TLN2: variants seen among roughly 807,000 people sequenced by gnomAD.
TLN2 encodes the protein talin 2.
Under a neutral mutation model 294.7 loss-of-function variants are expected in TLN2, and 118 were observed. That is an observed-to-expected ratio of 0.40 (90% confidence interval 0.34 to 0.47). The LOEUF (loss-of-function observed/expected upper bound fraction) is 0.47. TLN2 is among the 20% of genes least tolerant of loss of function. The pLI is 0.84. For missense variants in TLN2, 3,083 were observed against 3,282.2 expected (o/e 0.94, Z 1.48); for synonymous variants, 1,431 against 1,304.5 (o/e 1.10, Z -2.09).
chr15:62,798,838 G>A (rs1338024907), intron 48 of TLN2, among the ~76,000 whole-genome samples: 1 of 152,164 alleles, frequency 6.6e-6, no homozygotes, highest in African/African-American at 2.4e-5. Context: ...CATCCTTTCT[G>A]TTGGATTTCT....
intron 12 of TLN2, among the ~76,000 whole-genome samples, chr15:62,688,540 C>T (rs529856084): frequency 1.3e-5 from 2 of 152,070 alleles, no homozygotes; most frequent in African/African-American, 2.4e-5. Context: ...TGGTGGTGTT[C>T]CAGTCTTTTG....
In TLN2 at chr15:62,707,126, C is replaced by T; in HGVS notation, c.2045C>T (p.Ala682Val). The T allele has an allele frequency of 6.2e-7, 1 of 1,614,092 alleles. No individual in the cohort carries two copies. The highest frequency in any genetic ancestry group is 8.5e-7 in the Non-Finnish European group (1 of 1,179,974). The change falls in exon 20 of 59, where the codon GCT becomes GTT. Residue 682 changes from alanine (A) to valine (V), a missense_variant. Ala to Val is a moderately conservative substitution (Grantham distance 64, BLOSUM62 0). Transcript: ENST00000636159. ...TTGGCCAAAGCTGTTGCCAATGCAGCTGCCATGTTGGTACTAAAGGCAAAG... is the reference window on the plus strand; with the variant it reads ...TTGGCCAAAGCTGTTGCCAATGCAGTTGCCATGTTGGTACTAAAGGCAAAG... ...MSLAKAVANA[A>V]AMLVLKAKNV...
chr15:62,554,539 T>C (rs912669618), intron 1 of TLN2, among the ~76,000 whole-genome samples: 3 of 151,786 alleles, frequency 2.0e-5, no homozygotes, highest in African/African-American at 7.3e-5. Context: ...TTGAAATAAG[T>C]CAGATAAATC....
At chr15:62,720,344 G>A (rs932816413) in intron 25 of TLN2, among the ~76,000 whole-genome samples, 10 of 152,060 alleles carry the variant, frequency 6.6e-5, no homozygotes, top group Non-Finnish European at 5.9e-5. Flanking sequence ...TGGGGTGAAG[G>A]GTAGATTCAT....
At chr15:62,416,967 C>G (rs1346596950) in intron 1 of TLN2, among the ~76,000 whole-genome samples, 1 of 152,218 alleles carries the variant, frequency 6.6e-6, no homozygotes, top group Admixed American at 6.5e-5. Flanking sequence ...TCTCCGCTTC[C>G]TATCTCCAGA....
In TLN2 at chr15:62,538,246, C is replaced by T. The variant is rs997068752; in HGVS notation, c.-237-51441C>T. On this transcript the variant is annotated intron_variant, in intron 1 of 58. Coordinates refer to ENST00000636159, the MANE Select transcript of TLN2 (RefSeq NM_015059.3). ...ATACACACACACACACACACAAAAA[C>T]ACCAGCCTTTTCTTTGTTTTTACCA... 3.3e-5 allele frequency among the ~76,000 whole-genome samples: 5 copies of T among 151,862 alleles called. No homozygotes were observed. In the South Asian group the frequency reaches 8.3e-4, roughly 25 times the overall value.
intron 13 of TLN2, 65 bp downstream of exon 13, chr15:62,693,006 C>G (rs919075979): frequency 7.2e-7 from 1 of 1,390,278 alleles, no homozygotes; most frequent in Admixed American, 1.9e-5. Context: ...GTTTCGATGA[C>G]GTGGCTACCT....
intron 1 of TLN2, among the ~76,000 whole-genome samples, chr15:62,582,837 GGTAGA>G (rs2045259323): frequency 6.6e-6 from 1 of 152,132 alleles, no homozygotes; most frequent in African/African-American, 2.4e-5. Context: ...AGGCTGCCAC[GGTAGA>G]TCAGAGTGTA....
chr15:62,580,407 C>T (rs1252750502), intron 1 of TLN2, among the ~76,000 whole-genome samples: 2 of 118,542 alleles, frequency 1.7e-5, no homozygotes, highest in Non-Finnish European at 3.7e-5. Flanking sequence ...TCTCTACCTC[C>T]CTCCCTCCCT....
At chr15:62,528,708 C>T (rs970599174) in intron 1 of TLN2, among the ~76,000 whole-genome samples, 1 of 108,894 alleles carries the variant, frequency 9.2e-6, no homozygotes, top group Non-Finnish European at 1.7e-5. Flanking sequence ...CTCAGGCAAA[C>T]AAGTCGGGTC....
At chr15:62,424,485 C>T (rs919345061) in intron 1 of TLN2, among the ~76,000 whole-genome samples, 4 of 152,112 alleles carry the variant, frequency 2.6e-5, no homozygotes, top group African/African-American at 2.4e-5. Flanking sequence ...TCTGTGTACA[C>T]GCACCTCCAC....
chr15:62,836,022 G>A lies in TLN2; in HGVS notation c.7323G>A (p.Val2441=), dbSNP rs375613787. The part of the protein sequence containing the change: ...QVAASTAQLL[V]ACKVKADQDS... ...CCGCTTCCACGGCTCAGCTGCTGGTGGCCTGCAAGGTGAAGGCCGACCAGG... is the reference window on the plus strand; with the variant it reads ...CCGCTTCCACGGCTCAGCTGCTGGTAGCCTGCAAGGTGAAGGCCGACCAGG... Residue 2441 remains valine, a synonymous_variant, in exon 57 of 59, where the codon GTG becomes GTA. Transcript: ENST00000636159. 5 of 1,612,970 alleles carry A rather than the reference G, an allele frequency of 3.1e-6. No homozygotes were observed. The African/African-American group carries it at 4.0e-5, about 13-fold the overall frequency.
chr15:62,667,209 G>A (rs189045435), intron 9 of TLN2, among the ~76,000 whole-genome samples: 5,749 of 152,086 alleles, frequency 0.038, 127 homozygotes, highest in South Asian at 0.052. Context: ...CTAGTGATCC[G>A]CCCGCCTTGG....
intron 43 of TLN2, among the ~76,000 whole-genome samples, chr15:62,780,548 G>T (rs1348377725): frequency 6.6e-6 from 1 of 152,190 alleles, no homozygotes. Context: ...CATTGTCTCA[G>T]TTCTTCCACC....
At chr15:62,582,191 T>TGC in intron 1 of TLN2, among the ~76,000 whole-genome samples, 1 of 50,576 alleles carries the variant, frequency 2.0e-5, no homozygotes, top group Non-Finnish European at 4.7e-5. Flanking sequence ...TGCATGTGTA[T>TGC]GCATACACAC....
intron 42 of TLN2, among the ~76,000 whole-genome samples, chr15:62,774,741 A>G (rs146145583): frequency 1.3e-5 from 2 of 152,228 alleles, no homozygotes; most frequent in Admixed American, 6.5e-5. Context: ...AAGAGCAAGG[A>G]TATGCTTTTA....
At chr15:62,765,643 C>T (rs1039916712) in intron 40 of TLN2, among the ~76,000 whole-genome samples, 1 of 152,194 alleles carries the variant, frequency 6.6e-6, no homozygotes, top group African/African-American at 2.4e-5. Flanking sequence ...CTTTGAATCC[C>T]CCATCCCCCA....
rs553442860 is a variant in TLN2, at chr15:62,577,572, A to G, written c.-237-12115A>G. On this transcript the variant is annotated intron_variant, in intron 1 of 58. Coordinates refer to ENST00000636159, the MANE Select transcript of TLN2 (RefSeq NM_015059.3). ...TAATCTCCAGTGATTTCTGGGAAGGAATTAAATGGGGGCCTAGGATGAAAT... is the reference window on the plus strand; with the variant it reads ...TAATCTCCAGTGATTTCTGGGAAGGGATTAAATGGGGGCCTAGGATGAAAT... Among the ~76,000 whole-genome samples, 25 of 152,288 alleles carry G rather than the reference A, an allele frequency of 1.6e-4. No individual in the cohort carries two copies. In the South Asian group the frequency reaches 5.0e-3, roughly 30 times the overall value.
chr15:62,497,761 A>AGAG (rs2039083710), intron 1 of TLN2, among the ~76,000 whole-genome samples: 1 of 152,182 alleles, frequency 6.6e-6, no homozygotes, highest in Non-Finnish European at 1.5e-5. Flanking sequence ...AGATACATTT[A>AGAG]TAGCTCTAAA....
Sources: allele counts gnomAD v4.1 joint callset (sites outside exome capture counted in the v4.1 genomes callset), GRCh38; gene constraint gnomAD v4.1.1; transcripts MANE v1.5; gene names NCBI Gene and HGNC (gene_info 2026-07-23, HGNC 2026-07-21).